Variants in MYH14 observed in about 807,000 individuals in gnomAD.
The protein encoded by MYH14 is myosin heavy chain 14.
Under a neutral mutation model 255.5 loss-of-function variants are expected in MYH14, and 123 were observed. That is an observed-to-expected ratio of 0.48 (90% CI 0.42 to 0.56). The LOEUF (loss-of-function observed/expected upper bound fraction) is 0.56. Ranked by LOEUF, MYH14 falls within the 20% of genes least tolerant of loss-of-function variation. MYH14 has a pLI of 0.00. For missense variants in MYH14, 2,423 were observed against 2,802.3 expected (o/e 0.86, Z 3.06); for synonymous variants, 1,095 against 1,161.2 (o/e 0.94, Z 1.16).
intron 10 of MYH14, among the ~76,000 whole-genome samples, chr19:50,235,954 T>A (rs2033638351): frequency 6.6e-6 from 1 of 152,032 alleles, no homozygotes; most frequent in Non-Finnish European, 1.5e-5. Flanking sequence ...TTTTATTGTT[T>A]AAATAAACTA....
At chr19:50,207,273 G>GAGAGAGAGAGAGAGAGAC (rs2123141287) in intron 1 of MYH14, among the ~76,000 whole-genome samples, 1 of 108,218 alleles carries the variant, frequency 9.2e-6, no homozygotes, top group Admixed American at 8.6e-5. Context: ...GAGAGAGACA[G>GAGAGAGAGAGAGAGAGAC]AGAGAGAGAG....
intron 36 of MYH14, 84 bp from the exon 37 acceptor site, chr19:50,292,177 C>A: frequency 5.1e-6 from 7 of 1,374,374 alleles, no homozygotes; most frequent in Non-Finnish European, 6.7e-6. Flanking sequence ...AGCTGAGGAG[C>A]CCCGTCGGTC....
intron 3 of MYH14, among the ~76,000 whole-genome samples, chr19:50,220,150 G>A (rs946594932): frequency 3.9e-5 from 6 of 151,932 alleles, no homozygotes; most frequent in Admixed American, 6.6e-5. Context: ...CGCCATTTCC[G>A]TCCCGCACCC....
chr19:50,227,870 G>C (rs1237392909), intron 8 of MYH14, among the ~76,000 whole-genome samples: 1 of 152,194 alleles, frequency 6.6e-6, no homozygotes, highest in African/African-American at 2.4e-5. Flanking sequence ...TCCCTCTGTA[G>C]AAGGAGAAGG....
chr19:50,238,876 A>C (rs557971658), intron 10 of MYH14, among the ~76,000 whole-genome samples: 2 of 152,264 alleles, frequency 1.3e-5, no homozygotes, highest in African/African-American at 4.8e-5. Flanking sequence ...CCTCCTCTGA[A>C]AACATCAGCA....
intron 17 of MYH14, 77 bp downstream of exon 17, chr19:50,255,395 T>G (rs2034557465): frequency 1.9e-6 from 2 of 1,069,582 alleles, no homozygotes; most frequent in East Asian, 2.6e-5. Flanking sequence ...GACCTGGTTT[T>G]GAACATCTGT....
At chr19:50,225,509 C>T in intron 6 of MYH14, 76 bp from the exon 7 acceptor site, 1 of 1,159,604 alleles carries the variant, frequency 8.6e-7, no homozygotes, top group Non-Finnish European at 1.3e-6. Context: ...CAGCTGGAGA[C>T]ACAGCCCGAG....
Position 50,249,153 on chromosome 19 carries a change from C to G in MYH14, c.1482+14C>G. 6.4e-7 allele frequency: 1 copy of G among 1,559,844 alleles called. No individual in the cohort carries two copies. The highest frequency in any genetic ancestry group is 8.7e-7 in the Non-Finnish European group (1 of 1,150,594). On this transcript the variant is annotated intron_variant, in intron 13 of 42. Transcript: ENST00000642316. ...GAGATCTTCCAGGTCCACCCTTGTGCTGGGAGGGGGATGCCAACTTCCTCA... is the reference window on the plus strand; with the variant it reads ...GAGATCTTCCAGGTCCACCCTTGTGGTGGGAGGGGGATGCCAACTTCCTCA...
chr19:50,289,760 C>A, intron 35 of MYH14, 112 bp downstream of exon 35: 1 of 943,982 alleles, frequency 1.1e-6, no homozygotes, highest in Non-Finnish European at 1.6e-6. Flanking sequence ...ACCACTCTGT[C>A]TCCTCCACCC....
chr19:50,263,528 C>T (rs2034967376), intron 22 of MYH14, 108 bp downstream of exon 22: 1 of 663,818 alleles, frequency 1.5e-6, no homozygotes, highest in Non-Finnish European at 2.4e-6. Context: ...TTCTGCATCA[C>T]TAAAATGGGG....
At position 50,230,833 on chromosome 19, in the gene MYH14, C is replaced by T. The variant is rs535993240; in HGVS notation, c.973+210C>T. On this transcript the variant is annotated intron_variant, in intron 9 of 42. Transcript: ENST00000642316. The surrounding 1 kb of genome is among the most constrained non-coding windows in gnomAD (Gnocchi z 4.7). ...CTGCGCTCTGGTTCCAGCTCTGTCCCGGGTCTGGCTCGCGCCCGCTGTCAC... is the reference window on the plus strand; with the variant it reads ...CTGCGCTCTGGTTCCAGCTCTGTCCTGGGTCTGGCTCGCGCCCGCTGTCAC... 4 of 559,856 alleles carry T rather than the reference C, an allele frequency of 7.1e-6. No individual in the cohort carries two copies. Among genetic ancestry groups the T allele is most frequent in the East Asian group, 3.0e-5 (1 of 33,702 alleles). 34.7% of individuals were successfully genotyped at this position (559,856 alleles called of 1,614,324 possible). A position where few individuals can be genotyped will look rare whatever the true frequency, so the allele number is the denominator to read the frequency against.
At chr19:50,259,436 G>A (rs892225300) in intron 19 of MYH14, among the ~76,000 whole-genome samples, 171 bp downstream of exon 19, 1 of 152,234 alleles carries the variant, frequency 6.6e-6, no homozygotes, top group African/African-American at 2.4e-5. Context: ...GTGTATGGGA[G>A]AACAATAGCC....
rs948164898 is a variant in MYH14 at position 50,259,171 on chromosome 19, C to T, written c.2260C>T (p.Leu754=). Residue 754 remains leucine, a synonymous_variant, in exon 19 of 43, where the codon CTG becomes TTG. Coordinates refer to ENST00000642316, the MANE Select transcript of MYH14 (RefSeq NM_001145809.2). Reference sequence around the variant, plus strand: ...CGGGAAGCTGGAGCCACGGCTGGTGCTGGACCAGCTTCGCTGCAACGGGGT... The same window carrying T: ...CGGGAAGCTGGAGCCACGGCTGGTGTTGGACCAGCTTCGCTGCAACGGGGT... ...RAGKLEPRLV[L]DQLRCNGVLE... is the part of the protein sequence containing the mutation. The T allele has an allele frequency of 2.6e-6, 4 of 1,562,884 alleles. No homozygotes were observed. In the African/African-American group the frequency reaches 4.1e-5, roughly 16 times the overall value.
chr19:50,207,308 A>G (rs996096075), intron 1 of MYH14, among the ~76,000 whole-genome samples: 3 of 149,960 alleles, frequency 2.0e-5, no homozygotes, highest in Non-Finnish European at 4.4e-5. Context: ...AGAGAGAGAG[A>G]GAGAGACTAG....
At chr19:50,296,013 G>A (rs4802685) in intron 39 of MYH14, among the ~76,000 whole-genome samples, 101,152 of 151,382 alleles carry the variant, frequency 0.67, 36,061 homozygotes, top group East Asian at 0.99. Flanking sequence ...GGGAGGCTGG[G>A]GCAGAGAATT....
intron 1 of MYH14, among the ~76,000 whole-genome samples, chr19:50,205,004 A>G (rs1357528845): frequency 1.3e-5 from 2 of 150,998 alleles, no homozygotes; most frequent in East Asian, 3.9e-4. Flanking sequence ...TCTTTATTTC[A>G]CTCCCGAGAC....
At chr19:50,256,695 A>T (rs1175933148) in intron 17 of MYH14, among the ~76,000 whole-genome samples, 1 of 152,228 alleles carries the variant, frequency 6.6e-6, no homozygotes, top group African/African-American at 2.4e-5. Context: ...ACCTCTATGA[A>T]ATTAGGCTCT....
Position 50,280,098 on chromosome 19 carries a change from G to T in MYH14, c.4094G>T (p.Ser1365Ile). 1 of 1,610,186 alleles carries T rather than the reference G, an allele frequency of 6.2e-7. No homozygotes were observed. Among genetic ancestry groups the T allele is most frequent in the Admixed American group, 1.7e-5 (1 of 59,456 alleles). The change falls in exon 31 of 43, where the codon AGC becomes ATC. Residue 1365 changes from serine (S) to isoleucine (I), a missense_variant. Physicochemically the swap from Ser to Ile is moderately radical, Grantham distance 142. Around this residue, in one of 3 missense-constraint regions of MYH14, gnomAD observed 1,513 missense variants for 1,674.8 expected, o/e 0.90. Coordinates refer to ENST00000642316, the MANE Select transcript of MYH14 (RefSeq NM_001145809.2). This position sits in a 1 kb window ranked among gnomAD's most constrained non-coding sequence, Gnocchi z 4.8. The stretch of plus-strand genomic sequence containing the variant: ...GCTGAGTCCAAAACCATCCGTCTTA[G>T]CAAGGAGCTGAGCAGCACAGAAGCC... ...NEAESKTIRL[S>I]KELSSTEAQL... is the part of the protein sequence containing the mutation.
chr19:50,217,176 T>C (rs987677961), intron 2 of MYH14, among the ~76,000 whole-genome samples: 5 of 152,158 alleles, frequency 3.3e-5, no homozygotes, highest in Admixed American at 2.6e-4. Context: ...CTCCTTTTAC[T>C]TGATATTGAT....
Sources: allele counts gnomAD v4.1 joint callset (sites outside exome capture counted in the v4.1 genomes callset), GRCh38; gene constraint gnomAD v4.1.1; regional missense constraint gnomAD v4.1.1; non-coding constraint Gnocchi (gnomAD v3.1); transcripts MANE v1.5; gene names NCBI Gene and HGNC (gene_info 2026-07-23, HGNC 2026-07-21).